The following GRIA3 variants were observed in gnomAD, a reference collection of about 807,000 sequenced individuals.
GRIA3 encodes glutamate receptor 3.
A neutral mutation model predicts 63.0 loss-of-function variants in GRIA3; 3 were observed. That is an observed-to-expected ratio of 0.05 (90% CI 0.02 to 0.12). GRIA3 has a LOEUF of 0.12. Among genes scored for constraint, GRIA3 ranks in the 10% least tolerant of loss-of-function variants. GRIA3 has a pLI of 1.00. For missense variants in GRIA3, 347 were observed against 700.9 expected, an observed-to-expected ratio of 0.50 and a Z score of 5.70; for synonymous variants, 274 against 257.9, an observed-to-expected ratio of 1.06 and a Z score of -0.60.
Position 123,356,858 on chromosome X carries a change from G to A in GRIA3, c.750+1895G>A, listed in dbSNP as rs1040711674. Among the ~76,000 whole-genome samples the A allele has an allele frequency of 9.4e-4, 105 of 111,554 alleles. 1 individual carries two copies. Among genetic ancestry groups the A allele is most frequent in the Middle Eastern group, 4.6e-3 (1 of 219 alleles). On this transcript the variant is annotated intron_variant, in intron 5 of 15. Coordinates refer to ENST00000620443, the MANE Select transcript of GRIA3 (RefSeq NM_007325.5). The stretch of plus-strand genomic sequence containing the variant: ...TTACTTTAACTCAGGTGGGAGTGGT[G>A]GGGGGCAGTCATTGATGTGTCGGAT...
intron 3 of GRIA3, among the ~76,000 whole-genome samples, chrX:123,322,751 AAC>A (rs1169212199): frequency 8.9e-6 from 1 of 111,846 alleles, no homozygotes; most frequent in African/African-American, 3.2e-5. Flanking sequence ...TGCTTAAGCA[AAC>A]ACAGAGAAAT....
intron 5 of GRIA3, among the ~76,000 whole-genome samples, chrX:123,378,435 C>G (rs150694397): frequency 0.34 from 33,681 of 98,750 alleles, 5,077 homozygotes; most frequent in Non-Finnish European, 0.42. Flanking sequence ...TTTTGAGACA[C>G]AGTCTCACTC....
chrX:123,265,751 G>A (rs2044484502), intron 3 of GRIA3, among the ~76,000 whole-genome samples: 1 of 112,314 alleles, frequency 8.9e-6, no homozygotes, highest in Non-Finnish European at 1.9e-5. Context: ...CAAATAACCA[G>A]CCACATTGGC....
chrX:123,413,524 C>A (rs2045518244), intron 10 of GRIA3, among the ~76,000 whole-genome samples: 1 of 65,735 alleles, frequency 1.5e-5, no homozygotes, highest in African/African-American at 6.4e-5. Context: ...GATTCAGACT[C>A]TCTCTGCCAA....
chrX:123,449,598 C>A (rs1317804011), intron 12 of GRIA3, among the ~76,000 whole-genome samples: 1 of 111,946 alleles, frequency 8.9e-6, no homozygotes, highest in Non-Finnish European at 1.9e-5. Flanking sequence ...ATCAGCATAG[C>A]ACCTTTAGAA....
intron 4 of GRIA3, among the ~76,000 whole-genome samples, chrX:123,335,514 A>G (rs766229463): frequency 4.5e-5 from 5 of 111,745 alleles, no homozygotes; most frequent in Non-Finnish European, 9.4e-5. Flanking sequence ...CAGATCCAAC[A>G]TATAGTAGAT....
chrX:123,220,529 C>T (rs1003029725), intron 2 of GRIA3, among the ~76,000 whole-genome samples: 4 of 111,342 alleles, frequency 3.6e-5, no homozygotes, highest in African/African-American at 1.3e-4. Context: ...AGAAATAACT[C>T]CTTCATTCTA....
At chrX:123,381,151 G>A (rs1418197628) in intron 5 of GRIA3, among the ~76,000 whole-genome samples, 4 of 111,021 alleles carry the variant, frequency 3.6e-5, no homozygotes, top group Non-Finnish European at 7.6e-5. Context: ...GTGTCTTTAG[G>A]GAGGTTTTAA....
intron 3 of GRIA3, among the ~76,000 whole-genome samples, chrX:123,259,165 G>C (rs1479185550): frequency 8.9e-6 from 1 of 112,167 alleles, no homozygotes; most frequent in African/African-American, 3.2e-5. Context: ...GTGGGAAAAT[G>C]TTGGAAGGTC....
Position 123,403,062 on chromosome X carries a change from C to T in GRIA3, c.1149C>T (p.Ile383=), listed in dbSNP as rs778109393. Residue 383 remains isoleucine, a synonymous_variant, in exon 8 of 16, where the codon ATC becomes ATT. Transcript: ENST00000620443. ...DTYGRRTNYT[I]DVYEMKVSGS... is the part of the protein sequence containing the mutation. The stretch of plus-strand genomic sequence containing the variant: ...ATGGACGTAGGACAAATTATACCAT[C>T]GATGTGTATGAAATGAAAGTCAGTG... The T allele has an allele frequency of 3.4e-6, 4 of 1,161,688 alleles. No individual in the cohort carries two copies. Among genetic ancestry groups the T allele is most frequent in the African/African-American group, 3.6e-5 (2 of 56,296 alleles).
Position 123,432,536 on chromosome X carries a change from G to C in GRIA3, c.2076+4397G>C, listed in dbSNP as rs188258358. On this transcript the variant is annotated intron_variant, in intron 12 of 15. Coordinates refer to ENST00000620443, the MANE Select transcript of GRIA3 (RefSeq NM_007325.5). Reference sequence around the variant, plus strand: ...GGCCCAGCCAGGTCATGTATAACCTGTGATATGCCTGTGCATATACCTGTG... The same window carrying C: ...GGCCCAGCCAGGTCATGTATAACCTCTGATATGCCTGTGCATATACCTGTG... Among the ~76,000 whole-genome samples the C allele has an allele frequency of 2.7e-5, 3 of 111,782 alleles. No individual in the cohort carries two copies. In the East Asian group the frequency reaches 8.4e-4, roughly 31 times the overall value.
intron 12 of GRIA3, among the ~76,000 whole-genome samples, chrX:123,440,538 T>G (rs1314617379): frequency 8.9e-6 from 1 of 112,817 alleles, no homozygotes; most frequent in Non-Finnish European, 1.9e-5. Flanking sequence ...TGCATTTCTC[T>G]AATTATCAGT....
chrX:123,464,797 C>A, intron 12 of GRIA3, 68 bp from the exon 13 acceptor site: 2 of 973,455 alleles, frequency 2.1e-6, no homozygotes, highest in South Asian at 2.1e-5. Flanking sequence ...AAAAAAAAAA[C>A]TACTGCACTA....
chrX:123,451,230 G>C (rs1268416571), intron 12 of GRIA3, among the ~76,000 whole-genome samples: 1 of 110,684 alleles, frequency 9.0e-6, no homozygotes, highest in East Asian at 2.8e-4. Context: ...GCCGGGCATG[G>C]TGGCTTATGC....
intron 12 of GRIA3, among the ~76,000 whole-genome samples, chrX:123,437,410 G>A (rs757580336): frequency 9.0e-6 from 1 of 110,806 alleles, no homozygotes; most frequent in Non-Finnish European, 1.9e-5. Flanking sequence ...GGGTTGGATG[G>A]AGGGTTTAGG....
At chrX:123,381,746 G>A (rs1346103325) in intron 5 of GRIA3, among the ~76,000 whole-genome samples, 1 of 111,690 alleles carries the variant, frequency 9.0e-6, no homozygotes, top group Non-Finnish European at 1.9e-5. Flanking sequence ...CACTTAAAGA[G>A]TGGAATTTAG....
intron 4 of GRIA3, among the ~76,000 whole-genome samples, chrX:123,335,820 A>T (rs111347726): frequency 0.068 from 7,570 of 111,440 alleles, 240 homozygotes; most frequent in Middle Eastern, 0.11. Context: ...GAGCCCTAAT[A>T]CCTCTTACTT....
chrX:123,313,216 G>C (rs985321171), intron 3 of GRIA3, among the ~76,000 whole-genome samples: 1 of 111,637 alleles, frequency 9.0e-6, no homozygotes, highest in African/African-American at 3.3e-5. Context: ...TAGTATGGTG[G>C]ATGGCACATG....
chrX:123,215,201 C>G (rs73636852), intron 2 of GRIA3, among the ~76,000 whole-genome samples: 3,527 of 111,814 alleles, frequency 0.032, 159 homozygotes, highest in African/African-American at 0.11. Flanking sequence ...ACTAAATTGT[C>G]CAGCAAATTC....
Sources: allele counts gnomAD v4.1 joint callset (sites outside exome capture counted in the v4.1 genomes callset), GRCh38; gene constraint gnomAD v4.1.1; transcripts MANE v1.5; gene names NCBI Gene and HGNC (gene_info 2026-07-23, HGNC 2026-07-21).